The following CNNM1 variants were observed in gnomAD, a reference collection of about 807,000 sequenced individuals.
The protein encoded by CNNM1 is cyclin and CBS domain divalent metal cation transport mediator 1.
CNNM1 carries 44 observed loss-of-function variants against 78.8 expected under a neutral mutation model. That is an observed-to-expected ratio of 0.56 (90% CI 0.44 to 0.72). The LOEUF (loss-of-function observed/expected upper bound fraction) is 0.72, where lower values mean the gene tolerates loss of function less well. Ranked by LOEUF, CNNM1 falls within the 30% of genes least tolerant of loss-of-function variation. The pLI is 0.00. For missense variants in CNNM1, 1,101 were observed against 1,292.2 expected (o/e 0.85, Z 2.27); for synonymous variants, 584 against 581.5 (o/e 1.00, Z -0.06).
In CNNM1 at chr10:99,338,537, C is replaced by T. The variant is rs956991727; in HGVS notation, c.1573+7577C>T. 2.0e-5 allele frequency among the ~76,000 whole-genome samples: 3 copies of T among 152,008 alleles called. 1 individual carries two copies. In the South Asian group the frequency reaches 6.2e-4, roughly 32 times the overall value. On this transcript the variant is annotated intron_variant, in intron 1 of 10. Transcript: ENST00000356713. The stretch of plus-strand genomic sequence containing the variant: ...CAGGCAATCCGCCAACCTCGGCCTC[C>T]CAAAGTGCTAGGATTACAGGTGTGA...
intron 7 of CNNM1, among the ~76,000 whole-genome samples, chr10:99,380,688 G>A (rs1465444205): frequency 2.6e-5 from 4 of 152,024 alleles, no homozygotes; most frequent in African/African-American, 9.7e-5. Flanking sequence ...CTACTCGGGA[G>A]GCTGAGGCAG....
chr10:99,391,389 A>C, intron 10 of CNNM1, 48 bp from the exon 11 acceptor site: 1 of 1,405,062 alleles, frequency 7.1e-7, no homozygotes, highest in Non-Finnish European at 1.0e-6. Flanking sequence ...GCAATTATGA[A>C]TGTTCCTCCA....
intron 1 of CNNM1, among the ~76,000 whole-genome samples, chr10:99,356,506 G>GGA (rs2031156707): frequency 7.6e-6 from 1 of 130,950 alleles, no homozygotes; most frequent in Non-Finnish European, 1.7e-5. Context: ...GAGAGAGAGA[G>GGA]AGAGAAAGAG....
At chr10:99,386,688 G>A (rs2134082103) in intron 7 of CNNM1, among the ~76,000 whole-genome samples, 1 of 152,308 alleles carries the variant, frequency 6.6e-6, no homozygotes, top group South Asian at 2.1e-4. Context: ...CTTGTCAGTA[G>A]TTGACAAGGA....
At chr10:99,361,573 CT>C in intron 3 of CNNM1, among the ~76,000 whole-genome samples, 1 of 152,202 alleles carries the variant, frequency 6.6e-6, no homozygotes, top group South Asian at 2.1e-4. Flanking sequence ...AGTGCTAGCA[CT>C]GTTTTAGGTG....
chr10:99,356,358 C>T (rs1003990304), intron 1 of CNNM1, among the ~76,000 whole-genome samples: 2 of 151,794 alleles, frequency 1.3e-5, no homozygotes, highest in African/African-American at 2.4e-5. Context: ...CATCTGTGGT[C>T]CCAGCTACTC....
intron 1 of CNNM1, among the ~76,000 whole-genome samples, chr10:99,356,790 G>A (rs1327471938): frequency 1.3e-5 from 2 of 152,136 alleles, no homozygotes; most frequent in Non-Finnish European, 2.9e-5. Flanking sequence ...GGGCTCAGCT[G>A]GGACTGGCAC....
chr10:99,364,146 G>A (rs1034968409), intron 4 of CNNM1, among the ~76,000 whole-genome samples: 5 of 152,146 alleles, frequency 3.3e-5, no homozygotes, highest in Admixed American at 6.5e-5. Context: ...CTGCATCATG[G>A]AAGGGCCACT....
At chr10:99,370,584 G>A (rs2031765312) in intron 6 of CNNM1, among the ~76,000 whole-genome samples, 1 of 152,120 alleles carries the variant, frequency 6.6e-6, no homozygotes, top group Admixed American at 6.5e-5. Context: ...TGGGATTTTT[G>A]TAGAAAGAAG....
intron 7 of CNNM1, among the ~76,000 whole-genome samples, chr10:99,381,558 A>G (rs536926503): frequency 1.3e-5 from 2 of 152,006 alleles, no homozygotes; most frequent in Non-Finnish European, 2.9e-5. Flanking sequence ...TCTGGCCAAC[A>G]TGGCGAAACC....
rs368628891 is a variant in CNNM1, at chr10:99,388,321, C to T, written c.2674+20C>T. Reference sequence around the variant, plus strand: ...GAGCAGGTCAGGGAGGCCAGCTGGGCCCAGTGCAGCAAGGGAGATCATTGC... The same window carrying T: ...GAGCAGGTCAGGGAGGCCAGCTGGGTCCAGTGCAGCAAGGGAGATCATTGC... On this transcript the variant is annotated intron_variant, in intron 9 of 10. Transcript: ENST00000356713. The T allele has an allele frequency of 3.4e-5, 54 of 1,609,286 alleles. No individual in the cohort carries two copies. The highest frequency in any genetic ancestry group is 6.7e-5 in the Admixed American group (4 of 59,518).
At chr10:99,360,705 G>A (rs1309953899) in intron 2 of CNNM1, 130 bp from the exon 3 acceptor site, 2 of 1,176,754 alleles carry the variant, frequency 1.7e-6, no homozygotes, top group South Asian at 1.6e-5. Context: ...CTACTTCCTG[G>A]GTGATATTGT....
intron 1 of CNNM1, among the ~76,000 whole-genome samples, chr10:99,331,731 G>T (rs909221128): frequency 6.6e-6 from 1 of 152,090 alleles, no homozygotes; most frequent in Non-Finnish European, 1.5e-5. Context: ...GCCCGGGGGG[G>T]AGGGAAGTAC....
In CNNM1 at chr10:99,329,630, G is replaced by A. The variant is rs1564933547; in HGVS notation, c.243G>A (p.Pro81=). Residue 81 remains proline, a synonymous_variant, in exon 1 of 11, where the codon CCG becomes CCA. Coordinates refer to ENST00000356713, the MANE Select transcript of CNNM1 (RefSeq NM_020348.3). ...GTGTCTATTTCCAGCCAGGACCGCC[G>A]GCCACCGCCGCACCGGTGCCCTCAC... The part of the protein sequence containing the change: ...LLRVYFQPGP[P]ATAAPVPSPT... 2 of 1,507,420 alleles carry A rather than the reference G, an allele frequency of 1.3e-6. No homozygotes were observed. Among genetic ancestry groups the A allele is most frequent in the Non-Finnish European group, 1.8e-6 (2 of 1,136,784 alleles). The allele number at this position is 1,507,420 out of a possible 1,614,324, so 93.4% of individuals were successfully genotyped here.
intron 2 of CNNM1, among the ~76,000 whole-genome samples, chr10:99,358,218 T>C (rs2031291465): frequency 6.6e-6 from 1 of 152,252 alleles, no homozygotes; most frequent in Admixed American, 6.5e-5. Context: ...CCAGCATCCC[T>C]GCTCTTGTCT....
intron 1 of CNNM1, among the ~76,000 whole-genome samples, chr10:99,342,678 A>G (rs576128337): frequency 6.6e-6 from 1 of 152,036 alleles, no homozygotes; most frequent in African/African-American, 2.4e-5. Context: ...GTTAAAAACA[A>G]CAACAACAAC....
In CNNM1 at chr10:99,360,862, C is replaced by G; in HGVS notation, c.1745C>G (p.Pro582Arg). 6.2e-7 allele frequency: 1 copy of G among 1,610,966 alleles called. No individual in the cohort carries two copies. The highest frequency in any genetic ancestry group is 8.5e-7 in the Non-Finnish European group (1 of 1,177,656). Reference protein sequence around the residue: ...YTDNRKKQRVPQRERKRHDFS... With the variant: ...YTDNRKKQRVRQRERKRHDFS... ...GACAATCGGAAAAAGCAGAGGGTCC[C>G]GCAACGGGAGCGGAAGCGGCATGAC... is the stretch of plus-strand genomic sequence containing the variant. Residue 582 changes from proline (P) to arginine (R), a missense_variant, in exon 3 of 11, where the codon CCG becomes CGG. By Grantham distance (103) the Pro-to-Arg change is moderately radical (BLOSUM62 -2). Transcript: ENST00000356713.
At chr10:99,376,701 C>T (rs1341348541) in intron 6 of CNNM1, among the ~76,000 whole-genome samples, 1 of 152,174 alleles carries the variant, frequency 6.6e-6, no homozygotes, top group African/African-American at 2.4e-5. Flanking sequence ...AACCTGAAGA[C>T]AAGAACCAAG....
At chr10:99,361,919 T>C (rs1055385527) in intron 3 of CNNM1, among the ~76,000 whole-genome samples, 2 of 152,246 alleles carry the variant, frequency 1.3e-5, no homozygotes, top group South Asian at 4.1e-4. Flanking sequence ...TAGTTGTCCA[T>C]GTCCAATTTT....
Sources: gnomAD v4.1 joint callset for allele counts (sites outside exome capture counted in the v4.1 genomes callset) on GRCh38, gnomAD v4.1.1 for gene constraint, MANE v1.5 for transcripts, NCBI Gene and HGNC (gene_info 2026-07-23, HGNC 2026-07-21) for gene names.